HERC2: variants seen among roughly 807,000 people sequenced by gnomAD.
The protein encoded by HERC2 is E3 ubiquitin-protein ligase HERC2.
A neutral mutation model predicts 537.7 loss-of-function variants in HERC2; 102 were observed. That is an observed-to-expected ratio of 0.19 (90% CI 0.16 to 0.22). The LOEUF (loss-of-function observed/expected upper bound fraction) is 0.22, where lower values mean the gene tolerates loss of function less well. Ranked by LOEUF, HERC2 falls within the 10% of genes least tolerant of loss-of-function variation. The pLI is 1.00. For missense variants in HERC2, 4,236 were observed against 6,198.2 expected (o/e 0.68, Z 10.63); for synonymous variants, 2,224 against 2,466.2 (o/e 0.90, Z 2.91).
intron 22 of HERC2, 57 bp downstream of exon 22, chr15:28,246,685 T>G (rs1903740348): frequency 7.0e-7 from 1 of 1,427,902 alleles, no homozygotes; most frequent in African/African-American, 1.5e-5. Flanking sequence ...AGAAGACACT[T>G]TAGCTTTCAT....
chr15:28,193,578 T>C (rs1243143104), intron 52 of HERC2, among the ~76,000 whole-genome samples: 1 of 152,038 alleles, frequency 6.6e-6, no homozygotes, highest in Non-Finnish European at 1.5e-5. Context: ...AAGACAGAAT[T>C]TTCCAAAACA....
In HERC2 at chr15:28,272,945, T is replaced by C; in HGVS notation, c.860A>G (p.His287Arg). ...GPGSIPLQDQ[H>R]LALAILLELA... The stretch of plus-strand genomic sequence containing the variant: ...CTCCAGCAGGATGGCCAGGGCCAAG[T>C]GCTGGTCCTGCAGGGGGATGCTTCC... Residue 287 changes from histidine (H) to arginine (R), a missense_variant, in exon 8 of 93, where the codon CAC (histidine) becomes CGC (arginine). Around this residue, in one of 27 missense-constraint regions of HERC2, gnomAD observed 491 missense variants for 559.3 expected, o/e 0.88. Coordinates refer to ENST00000261609, the MANE Select transcript of HERC2 (RefSeq NM_004667.6). 6.2e-7 allele frequency: 1 copy of C among 1,612,390 alleles called. No homozygotes were observed. Among genetic ancestry groups the C allele is most frequent in the Non-Finnish European group, 8.5e-7 (1 of 1,180,008 alleles).
intron 19 of HERC2, among the ~76,000 whole-genome samples, chr15:28,255,095 G>T (rs559775690): frequency 3.3e-5 from 5 of 152,156 alleles, no homozygotes; most frequent in Admixed American, 1.3e-4. Context: ...CAACACTTTG[G>T]GAGGACAAGG....
chr15:28,222,838 A>C (rs780188764), intron 35 of HERC2, among the ~76,000 whole-genome samples: 2 of 152,126 alleles, frequency 1.3e-5, no homozygotes, highest in Non-Finnish European at 2.9e-5. Flanking sequence ...GATCAGCCCT[A>C]ATGGAAACCC....
intron 5 of HERC2, among the ~76,000 whole-genome samples, chr15:28,276,776 G>C (rs543709691): frequency 6.6e-6 from 1 of 151,842 alleles, no homozygotes; most frequent in South Asian, 2.1e-4. Context: ...AAACTACTCA[G>C]CCATAATAAA....
intron 86 of HERC2, among the ~76,000 whole-genome samples, chr15:28,118,750 T>G (rs1888554256): frequency 6.6e-6 from 1 of 152,246 alleles, no homozygotes; most frequent in African/African-American, 2.4e-5. Context: ...GCTGGTGTCC[T>G]GTGCACACCC....
chr15:28,219,583 C>T (rs908263031), intron 37 of HERC2, among the ~76,000 whole-genome samples: 2 of 152,204 alleles, frequency 1.3e-5, no homozygotes, highest in African/African-American at 2.4e-5. Context: ...CCAGAAGTGA[C>T]GTGTCAAAGA....
intron 86 of HERC2, chr15:28,117,846 G>A (rs1293857774): frequency 1.5e-5 from 5 of 330,122 alleles, no homozygotes; most frequent in Middle Eastern, 1.1e-3. Context: ...CTAGGGCCCC[G>A]CCGCAGCAGG....
At chr15:28,252,353 C>G (rs2075111214) in intron 20 of HERC2, among the ~76,000 whole-genome samples, 1 of 151,884 alleles carries the variant, frequency 6.6e-6, no homozygotes, top group Non-Finnish European at 1.5e-5. Flanking sequence ...AACAAAGGAC[C>G]CACAACAGGA....
intron 78 of HERC2, among the ~76,000 whole-genome samples, chr15:28,136,715 T>C (rs1890681412): frequency 6.6e-6 from 1 of 152,272 alleles, no homozygotes. Context: ...CACTCATTTA[T>C]AATATGTCCA....
At chr15:28,261,086 T>C in intron 15 of HERC2, 116 bp from the exon 16 acceptor site, 1 of 716,720 alleles carries the variant, frequency 1.4e-6, no homozygotes, top group Admixed American at 2.9e-5. Context: ...TTGAGGATAA[T>C]CTGCTTTGCT....
intron 3 of HERC2, among the ~76,000 whole-genome samples, chr15:28,294,065 G>A (rs56285658): frequency 0.048 from 7,282 of 152,176 alleles, 603 homozygotes; most frequent in African/African-American, 0.17. Flanking sequence ...TAAAAATCTC[G>A]AAGGAAACAG....
At chr15:28,252,224 G>A (rs1377108303) in intron 20 of HERC2, among the ~76,000 whole-genome samples, 2 of 152,120 alleles carry the variant, frequency 1.3e-5, no homozygotes, top group African/African-American at 4.8e-5. Context: ...AGACGGGCCA[G>A]CGCAGGCTAC....
chr15:28,304,776 T>C (rs1408384874), intron 2 of HERC2, among the ~76,000 whole-genome samples: 1 of 140,508 alleles, frequency 7.1e-6, no homozygotes, highest in African/African-American at 2.6e-5. Flanking sequence ...TAATTACATA[T>C]GTATACATGT....
Position 28,182,401 on chromosome 15 carries a change from C to T in HERC2, c.8937G>A (p.Lys2979=), listed in dbSNP as rs1411847377. The part of the protein sequence containing the change: ...KDQLGGLKGS[K]IKVPSFSETL... Reference sequence around the variant, plus strand: ...CTGGGTCCCAGGGAGCAGGCCGTACCTTGGAGCCTTTCAGCCCGCCCAGCT... The same window carrying T: ...CTGGGTCCCAGGGAGCAGGCCGTACTTTGGAGCCTTTCAGCCCGCCCAGCT... The change falls in exon 57 of 93, where the codon AAG becomes AAA. Residue 2979 remains lysine, a splice_region_variant and synonymous_variant. Transcript: ENST00000261609. The T allele has an allele frequency of 6.2e-7, 1 of 1,611,990 alleles. No individual in the cohort carries two copies. Among genetic ancestry groups the T allele is most frequent in the Non-Finnish European group, 8.5e-7 (1 of 1,178,496 alleles).
intron 56 of HERC2, among the ~76,000 whole-genome samples, chr15:28,183,176 C>T (rs1895986006): frequency 6.6e-6 from 1 of 152,158 alleles, no homozygotes; most frequent in Non-Finnish European, 1.5e-5. Context: ...GCTCATCTAT[C>T]TCCTGACCTG....
At chr15:28,180,779 G>A (rs1345348247) in intron 57 of HERC2, among the ~76,000 whole-genome samples, 1 of 152,112 alleles carries the variant, frequency 6.6e-6, no homozygotes, top group African/African-American at 2.4e-5. Flanking sequence ...TATTTTTGTT[G>A]CCATTATTCC....
At chr15:28,184,120 G>A (rs1896075611) in intron 56 of HERC2, among the ~76,000 whole-genome samples, 1 of 152,114 alleles carries the variant, frequency 6.6e-6, no homozygotes, top group South Asian at 2.1e-4. Context: ...GAGCCCGGGA[G>A]GCAGAGGTTG....
At chr15:28,216,849 C>T (rs1899960264) in intron 38 of HERC2, among the ~76,000 whole-genome samples, 1 of 150,398 alleles carries the variant, frequency 6.6e-6, no homozygotes, top group South Asian at 2.1e-4. Flanking sequence ...TTACCCCTCC[C>T]AATGCATACA....
Sources: gnomAD v4.1 joint callset for allele counts (sites outside exome capture counted in the v4.1 genomes callset) on GRCh38, gnomAD v4.1.1 for gene constraint, gnomAD v4.1.1 regional missense constraint, MANE v1.5 for transcripts, NCBI Gene and HGNC (gene_info 2026-07-23, HGNC 2026-07-21) for gene names.